Variants in PAM observed in about 807,000 individuals in gnomAD.
PAM encodes the protein peptidyl-glycine alpha-amidating monooxygenase.
PAM carries 72 observed loss-of-function variants against 122.1 expected under a neutral mutation model. That is an observed-to-expected ratio of 0.59 (90% CI 0.49 to 0.72). PAM has a LOEUF of 0.72. Ranked by LOEUF, PAM falls within the 30% of genes least tolerant of loss-of-function variation. The pLI, the probability that PAM is intolerant of heterozygous loss-of-function variation, is 0.00. For missense variants in PAM, 1,106 were observed against 1,183.7 expected (o/e 0.93, Z 0.96); for synonymous variants, 389 against 404.4 (o/e 0.96, Z 0.46).
At chr5:102,961,428 T>C (rs926393257) in intron 14 of PAM, among the ~76,000 whole-genome samples, 199 bp downstream of exon 14, 12 of 151,922 alleles carry the variant, frequency 7.9e-5, no homozygotes, top group African/African-American at 2.9e-4. Context: ...AATTCATTCA[T>C]ATAATTTAGT....
chr5:102,789,297 A>G (rs1467840032), intron 1 of PAM, among the ~76,000 whole-genome samples: 1 of 152,134 alleles, frequency 6.6e-6, no homozygotes, highest in Non-Finnish European at 1.5e-5. Context: ...TATGTACCCA[A>G]AAGAATTGAA....
At chr5:102,893,790 C>T (rs1795397740) in intron 3 of PAM, among the ~76,000 whole-genome samples, 1 of 151,780 alleles carries the variant, frequency 6.6e-6, no homozygotes, top group Non-Finnish European at 1.5e-5. Flanking sequence ...TTGAAATTCT[C>T]TACTTGGTGG....
intron 6 of PAM, among the ~76,000 whole-genome samples, chr5:102,926,263 G>A (rs1050791142): frequency 2.0e-5 from 3 of 152,264 alleles, no homozygotes; most frequent in East Asian, 1.9e-4. Flanking sequence ...CCCGGCTAAT[G>A]TATGTCTTTT....
At chr5:102,875,869 A>T (rs184118528) in intron 3 of PAM, among the ~76,000 whole-genome samples, 1 of 152,250 alleles carries the variant, frequency 6.6e-6, no homozygotes, top group Non-Finnish European at 1.5e-5. Flanking sequence ...GATAGAAACA[A>T]TTGAATATGC....
chr5:102,926,284 T>C (rs1197408984), intron 6 of PAM, among the ~76,000 whole-genome samples: 2 of 152,208 alleles, frequency 1.3e-5, no homozygotes, highest in Middle Eastern at 3.2e-3. Flanking sequence ...AAATAATCAA[T>C]AGAGACAGAA....
At chr5:102,881,123 T>TATAC (rs925352670) in intron 3 of PAM, among the ~76,000 whole-genome samples, 1 of 76,142 alleles carries the variant, frequency 1.3e-5, no homozygotes, top group African/African-American at 8.6e-5. Flanking sequence ...AAATAATTTT[T>TATAC]ATACATACAC....
chr5:103,020,715 A>G (rs1051151151), intron 23 of PAM, among the ~76,000 whole-genome samples: 1 of 152,190 alleles, frequency 6.6e-6, no homozygotes, highest in African/African-American at 2.4e-5. Flanking sequence ...CTAGACATTC[A>G]GACACAAACC....
At chr5:103,005,390 C>T (rs368364323) in intron 18 of PAM, among the ~76,000 whole-genome samples, 164 bp downstream of exon 18, 1 of 152,138 alleles carries the variant, frequency 6.6e-6, no homozygotes, top group South Asian at 2.1e-4. Flanking sequence ...CATGTTATAA[C>T]AAAGTACTAT....
chr5:102,798,381 G>A (rs560300240), intron 1 of PAM, among the ~76,000 whole-genome samples: 8 of 152,316 alleles, frequency 5.3e-5, no homozygotes, highest in African/African-American at 1.9e-4. Flanking sequence ...AATTTCTGAA[G>A]CTGAGTTCTA....
chr5:103,011,459 C>T (rs1780613928), intron 21 of PAM, among the ~76,000 whole-genome samples: 2 of 152,006 alleles, frequency 1.3e-5, no homozygotes, highest in Non-Finnish European at 2.9e-5. Flanking sequence ...CTGTACCATA[C>T]ATCTATGAGT....
rs1302019398 is a variant in PAM at position 103,006,867 on chromosome 5, G to A, written c.1870G>A (p.Gly624Ser). The A allele has an allele frequency of 6.2e-7, 1 of 1,614,004 alleles. No individual in the cohort carries two copies. The highest frequency in any genetic ancestry group is 1.3e-5 in the African/African-American group (1 of 75,016). Reference sequence around the variant, plus strand: ...AATCCTGGGAAGGAGCATGCAACCAGGCAGTGACCAGAATCACTTCTGTCA... The same window carrying A: ...AATCCTGGGAAGGAGCATGCAACCAAGCAGTGACCAGAATCACTTCTGTCA... ...VLILGRSMQP[G>S]SDQNHFCQPT... Residue 624 changes from glycine (G) to serine (S), a missense_variant, in exon 19 of 26, where the codon GGC (glycine) becomes AGC (serine). By Grantham distance (56) the Gly-to-Ser change is moderately conservative. Coordinates refer to ENST00000438793, the MANE Select transcript of PAM (RefSeq NM_001177306.2).
chr5:102,943,657 G>T (rs1756031031), intron 7 of PAM, among the ~76,000 whole-genome samples: 1 of 152,018 alleles, frequency 6.6e-6, no homozygotes, highest in African/African-American at 2.4e-5. Flanking sequence ...TACTTTAAGA[G>T]GCAACACACT....
intron 23 of PAM, among the ~76,000 whole-genome samples, chr5:103,020,794 G>A (rs562969958): frequency 6.6e-6 from 1 of 152,166 alleles, no homozygotes; most frequent in Admixed American, 6.5e-5. Flanking sequence ...ACAGCAAGGG[G>A]GAGTTTAAGG....
intron 7 of PAM, among the ~76,000 whole-genome samples, chr5:102,938,151 CTAT>C (rs1753888640): frequency 1.3e-5 from 2 of 152,114 alleles, no homozygotes; most frequent in Admixed American, 6.6e-5. Context: ...TGAAAGAAGC[CTAT>C]TATCCTTCAG....
chr5:102,807,077 A>T (rs936207025), intron 1 of PAM, among the ~76,000 whole-genome samples: 1 of 152,234 alleles, frequency 6.6e-6, no homozygotes, highest in Non-Finnish European at 1.5e-5. Context: ...TGTGATATGA[A>T]TATCTTAAGA....
chr5:102,924,979 A>G lies in PAM; in HGVS notation c.379A>G (p.Thr127Ala), dbSNP rs1178630672. Reference protein sequence around the residue: ...SYWFCDEGTCTDKANILYAWA... With the variant: ...SYWFCDEGTCADKANILYAWA... ...CAGGTTTTGTGATGAAGGAACCTGT[A>G]CAGATAAAGCCAATATTCTGTATGC... The change falls in exon 6 of 26, where the codon ACA (threonine) becomes GCA (alanine). Residue 127 changes from threonine to alanine, a missense_variant. By Grantham distance (58) the Thr-to-Ala change is moderately conservative. Coordinates refer to ENST00000438793, the MANE Select transcript of PAM (RefSeq NM_001177306.2). 5 of 1,574,074 alleles carry G rather than the reference A, an allele frequency of 3.2e-6. No individual in the cohort carries two copies. The highest frequency in any genetic ancestry group is 4.5e-5 in the East Asian group (2 of 44,694).
In PAM at chr5:103,028,202, G is replaced by C; in HGVS notation, c.2707G>C (p.Glu903Gln). The change falls in exon 25 of 26, where the codon GAG (glutamate) becomes CAG (glutamine). Residue 903 changes from glutamate (E) to glutamine (Q), a missense_variant. Glu to Gln is a conservative substitution (Grantham distance 29, BLOSUM62 2). Coordinates refer to ENST00000438793, the MANE Select transcript of PAM (RefSeq NM_001177306.2). ...RAFGDSEHKL[E>Q]TSSGRVLGRF... ...TTTAGCAGATTCTGAACACAAACTC[G>C]AGACGAGTTCAGGAAGAGTACTGGG... 6.2e-7 allele frequency: 1 copy of C among 1,612,704 alleles called. No individual in the cohort carries two copies. The highest frequency in any genetic ancestry group is 1.1e-5 in the South Asian group (1 of 90,966).
intron 15 of PAM, among the ~76,000 whole-genome samples, chr5:102,983,248 C>T (rs995775029): frequency 6.6e-6 from 1 of 151,690 alleles, no homozygotes; most frequent in African/African-American, 2.4e-5. Context: ...AGTTTGAGAC[C>T]AGCTGGCCAA....
intron 1 of PAM, among the ~76,000 whole-genome samples, chr5:102,785,789 T>C (rs1760358348): frequency 6.6e-6 from 1 of 152,150 alleles, no homozygotes; most frequent in African/African-American, 2.4e-5. Context: ...TCGTTGGAAA[T>C]TTGGTTTCTG....
Sources: gnomAD v4.1 joint callset for allele counts (sites outside exome capture counted in the v4.1 genomes callset) on GRCh38, gnomAD v4.1.1 for gene constraint, MANE v1.5 for transcripts, NCBI Gene and HGNC (gene_info 2026-07-23, HGNC 2026-07-21) for gene names.